NADSYN1: variants seen among roughly 807,000 people sequenced by gnomAD.
The protein encoded by NADSYN1 is NAD synthetase 1, also known as glutamine-dependent NAD(+) synthetase.
Under a neutral mutation model 99.3 loss-of-function variants are expected in NADSYN1, and 80 were observed. The observed-to-expected ratio is 0.81, with a 90% CI of 0.67 to 0.97. The LOEUF (loss-of-function observed/expected upper bound fraction) is 0.97. Among genes scored for constraint, NADSYN1 ranks in the 50% least tolerant of loss-of-function variants. NADSYN1 has a pLI of 0.00. For synonymous variants in NADSYN1, 385 were observed against 372.1 expected (o/e 1.03, Z -0.40); for missense variants, 859 against 948.5 (o/e 0.91, Z 1.24).
chr11:71,462,760 C>T (rs771026812), intron 3 of NADSYN1, among the ~76,000 whole-genome samples: 5 of 152,200 alleles, frequency 3.3e-5, no homozygotes, highest in Non-Finnish European at 7.3e-5. Context: ...ACACCTCTGG[C>T]AGGCGCCTGT....
rs942057792 is a variant in NADSYN1 at position 71,501,574 on chromosome 11, C to A, written c.*222C>A. On this transcript the variant is annotated 3_prime_UTR_variant, in exon 21 of 21. Coordinates refer to ENST00000319023, the MANE Select transcript of NADSYN1 (RefSeq NM_018161.5). ...TCCAATGCACATGATTTTGACCTCC[C>A]GCCAGCGTGCGCTTCCCCGCGAAGT... 2 of 541,888 alleles carry A rather than the reference C, an allele frequency of 3.7e-6. No individual in the cohort carries two copies. The highest frequency in any genetic ancestry group is 2.5e-5 in the South Asian group (1 of 39,880). The allele number at this position is 541,888 out of a possible 1,614,324, so 33.6% of individuals were successfully genotyped here. A position where few individuals can be genotyped will look rare whatever the true frequency, so the allele number is the denominator to read the frequency against.
intron 18 of NADSYN1, among the ~76,000 whole-genome samples, chr11:71,494,552 TG>T (rs747654330): frequency 0.083 from 12,656 of 152,028 alleles, 629 homozygotes; most frequent in African/African-American, 0.14. Context: ...TGTTTTGTTT[TG>T]TTTTGTTTCT....
intron 6 of NADSYN1, among the ~76,000 whole-genome samples, chr11:71,472,991 C>T (rs1949637565): frequency 1.3e-5 from 2 of 152,232 alleles, no homozygotes; most frequent in Admixed American, 1.3e-4. Flanking sequence ...GCTTCAGAAG[C>T]TGCTGGCCCC....
chr11:71,498,228 C>G, intron 19 of NADSYN1, 124 bp from the exon 20 acceptor site: 1 of 1,089,516 alleles, frequency 9.2e-7, no homozygotes. Context: ...CACCTGCCAT[C>G]GTGGAAGGTC....
intron 10 of NADSYN1, 44 bp downstream of exon 10, chr11:71,478,513 C>G: frequency 7.2e-6 from 11 of 1,538,388 alleles, no homozygotes; most frequent in Non-Finnish European, 8.9e-6. Context: ...TCATCAAAGA[C>G]GTGGAAAGTG....
At chr11:71,484,476 G>T (rs752745253) in intron 15 of NADSYN1, 29 bp downstream of exon 15, 1 of 1,600,904 alleles carries the variant, frequency 6.2e-7, no homozygotes, top group Admixed American at 1.7e-5. Context: ...GCGTCCCCTG[G>T]GGGTGGGGGT....
At chr11:71,481,547 CTTAGTCTGT>C in intron 12 of NADSYN1, 143 bp downstream of exon 12, 1 of 869,392 alleles carries the variant, frequency 1.2e-6, no homozygotes, top group Non-Finnish European at 1.8e-6. Context: ...CCATGGGGAG[CTTAGTCTGT>C]GCTAGCCAGA....
In NADSYN1 at chr11:71,483,504, C is replaced by T. The variant is rs577579280; in HGVS notation, c.1319+487C>T. On this transcript the variant is annotated intron_variant, in intron 14 of 20. Coordinates refer to ENST00000319023, the MANE Select transcript of NADSYN1 (RefSeq NM_018161.5). ...TTCTCTTCCCCTGCCCTCACTGCCT[C>T]TTCCACGGGCAGTTCTCTATGTGAG... Among the ~76,000 whole-genome samples the T allele has an allele frequency of 1.1e-4, 16 of 152,202 alleles. 1 individual carries two copies. The highest frequency in any genetic ancestry group is 4.6e-4 in the Admixed American group (7 of 15,278).
chr11:71,490,804 G>T (rs753955370), intron 16 of NADSYN1, 41 bp from the exon 17 acceptor site: 4 of 1,610,334 alleles, frequency 2.5e-6, no homozygotes, highest in South Asian at 1.1e-5. Flanking sequence ...TGGAGTCTGC[G>T]GCCCCTTGGG....
chr11:71,493,604 A>G (rs571443691), intron 18 of NADSYN1, among the ~76,000 whole-genome samples: 3 of 152,316 alleles, frequency 2.0e-5, no homozygotes, highest in East Asian at 3.9e-4. Flanking sequence ...TTTTTTTAAT[A>G]GAGAAAAGCT....
In NADSYN1 at chr11:71,473,706, G is replaced by A; in HGVS notation, c.666+20G>A. On this transcript the variant is annotated intron_variant, in intron 8 of 20. Transcript: ENST00000319023. ...AGCAAGGTAGGGGCTGGGCCAGGGAGCGTGCGCCACAGGGCAGACACTGTA... is the reference window on the plus strand; with the variant it reads ...AGCAAGGTAGGGGCTGGGCCAGGGAACGTGCGCCACAGGGCAGACACTGTA... 6.4e-7 allele frequency: 1 copy of A among 1,559,896 alleles called. No individual in the cohort carries two copies. Among genetic ancestry groups the A allele is most frequent in the Non-Finnish European group, 8.8e-7 (1 of 1,132,488 alleles).
Position 71,484,308 on chromosome 11 carries a change from C to G in NADSYN1, c.1320-4C>G, listed in dbSNP as rs1949727730. ...GCCTTCAACGCCTATCCTTCTCCTT[C>G]CAGCCACCACATCAGTCTCAACATC... On this transcript the variant is annotated splice_region_variant and splice_polypyrimidine_tract_variant and intron_variant, in intron 14 of 20. Coordinates refer to ENST00000319023, the MANE Select transcript of NADSYN1 (RefSeq NM_018161.5). 2 of 1,612,494 alleles carry G rather than the reference C, an allele frequency of 1.2e-6. No individual in the cohort carries two copies. Among genetic ancestry groups the G allele is most frequent in the Non-Finnish European group, 1.7e-6 (2 of 1,178,614 alleles).
chr11:71,495,923 G>T (rs1220703822), intron 18 of NADSYN1, among the ~76,000 whole-genome samples: 5 of 152,246 alleles, frequency 3.3e-5, no homozygotes, highest in Non-Finnish European at 7.3e-5. Context: ...GGTTGTATGA[G>T]CCTCGGGGTA....
chr11:71,480,393 C>T (rs773183524), intron 10 of NADSYN1: 23 of 247,010 alleles, frequency 9.3e-5, no homozygotes, highest in Non-Finnish European at 1.5e-4. Context: ...TGGCTGGTCT[C>T]GAACTCCTGA....
chr11:71,497,960 C>T lies in NADSYN1; in HGVS notation c.1893+349C>T, dbSNP rs2298773. 6.3e-4 allele frequency among the ~76,000 whole-genome samples: 96 copies of T among 152,310 alleles called. No individual in the cohort carries two copies. In the East Asian group the frequency reaches 0.013, roughly 20 times the overall value. ...AAGCATTGTAGTCCAATGGAACCTC[C>T]TGGAAGCCTTGTGAAATAAATCTTC... On this transcript the variant is annotated intron_variant, in intron 19 of 20. Transcript: ENST00000319023.
chr11:71,453,811 G>C (rs1325220497), intron 1 of NADSYN1, among the ~76,000 whole-genome samples: 3 of 152,144 alleles, frequency 2.0e-5, no homozygotes, highest in Non-Finnish European at 2.9e-5. Flanking sequence ...GTGGGAGAAG[G>C]CGTCCCAGAA....
At chr11:71,496,103 A>G (rs1949816852) in intron 18 of NADSYN1, among the ~76,000 whole-genome samples, 2 of 152,184 alleles carry the variant, frequency 1.3e-5, no homozygotes, top group South Asian at 2.1e-4. Flanking sequence ...GACAGCAGAC[A>G]GGCTGCATCT....
intron 16 of NADSYN1, among the ~76,000 whole-genome samples, chr11:71,488,281 A>G (rs1472826822): frequency 6.6e-6 from 1 of 151,984 alleles, no homozygotes; most frequent in Non-Finnish European, 1.5e-5. Context: ...TGTGTATTGT[A>G]GGAAACGTCC....
At chr11:71,498,189 G>A (rs979834185) in intron 19 of NADSYN1, among the ~76,000 whole-genome samples, 163 bp from the exon 20 acceptor site, 2 of 152,198 alleles carry the variant, frequency 1.3e-5, no homozygotes, top group East Asian at 3.9e-4. Context: ...CTCGGCCAGT[G>A]TCCCCGGCCT....
Sources: allele counts gnomAD v4.1 joint callset (sites outside exome capture counted in the v4.1 genomes callset), GRCh38; gene constraint gnomAD v4.1.1; transcripts MANE v1.5; gene names NCBI Gene and HGNC (gene_info 2026-07-23, HGNC 2026-07-21).